PTPRB: variants seen among roughly 807,000 people sequenced by gnomAD.
The protein encoded by PTPRB is protein tyrosine phosphatase receptor type B, also known as receptor-type tyrosine-protein phosphatase beta.
In PTPRB, 97 loss-of-function variants were observed where a neutral mutation model predicts 238.1. That is an observed-to-expected ratio of 0.41 (90% CI 0.35 to 0.48). PTPRB has a LOEUF of 0.48. PTPRB is among the 20% of genes least tolerant of loss of function. The pLI is 0.30. For synonymous variants in PTPRB, 970 were observed against 995.4 expected, an observed-to-expected ratio of 0.97 and a Z score of 0.48; for missense variants, 2,292 against 2,681.9, an observed-to-expected ratio of 0.85 and a Z score of 3.21.
intron 28 of PTPRB, among the ~76,000 whole-genome samples, chr12:70,536,876 A>C (rs1447449560): frequency 1.3e-5 from 2 of 152,038 alleles, no homozygotes; most frequent in Non-Finnish European, 2.9e-5. Flanking sequence ...GCCTTCTTTT[A>C]TCTTTCTCTC....
chr12:70,619,716 G>A (rs1292139617), intron 3 of PTPRB, among the ~76,000 whole-genome samples: 6 of 152,112 alleles, frequency 3.9e-5, no homozygotes, highest in Admixed American at 6.5e-5. Flanking sequence ...CTAACCCATC[G>A]GTCATCACAA....
chr12:70,629,419 C>G (rs905742718), intron 2 of PTPRB, among the ~76,000 whole-genome samples: 1 of 152,124 alleles, frequency 6.6e-6, no homozygotes, highest in Admixed American at 6.6e-5. Flanking sequence ...ACACAATGTA[C>G]AGAATCTCTG....
At chr12:70,606,533 CTATTT>C (rs1883957967) in intron 4 of PTPRB, among the ~76,000 whole-genome samples, 1 of 152,278 alleles carries the variant, frequency 6.6e-6, no homozygotes, top group South Asian at 2.1e-4. Context: ...TGCTCTCATT[CTATTT>C]TGTTTTAGAC....
At chr12:70,630,112 C>CA (rs1337790401) in intron 2 of PTPRB, among the ~76,000 whole-genome samples, 1 of 151,880 alleles carries the variant, frequency 6.6e-6, no homozygotes. Flanking sequence ...AGAGACACAA[C>CA]AAAAAAAGAG....
In PTPRB at chr12:70,520,526, C is replaced by A. The variant is rs1271183196; in HGVS notation, c.*963G>T. ...GGGCACAATCTGCTACCATAATATTCTTTTAATGGGAAATCAAGTAGGAAT... is the reference window on the plus strand; with the variant it reads ...GGGCACAATCTGCTACCATAATATTATTTTAATGGGAAATCAAGTAGGAAT... On this transcript the variant is annotated 3_prime_UTR_variant, in exon 34 of 34. Coordinates refer to ENST00000334414, the MANE Select transcript of PTPRB (RefSeq NM_001109754.4). The A allele has an allele frequency of 2.0e-5, 4 of 197,442 alleles. No homozygotes were observed. Among genetic ancestry groups the A allele is most frequent in the Non-Finnish European group, 4.2e-5 (4 of 95,798 alleles). The allele number at this position is 197,442 out of a possible 1,614,324, so 12.2% of individuals were successfully genotyped here. A position where few individuals can be genotyped will look rare whatever the true frequency, so the allele number is the denominator to read the frequency against.
chr12:70,544,748 GT>G (rs1875709898), intron 21 of PTPRB, 85 bp from the exon 22 acceptor site: 3 of 872,776 alleles, frequency 3.4e-6, no homozygotes, highest in Non-Finnish European at 5.1e-6. Flanking sequence ...AATAGGGCGG[GT>G]TCCTGGTCAG....
chr12:70,597,426 G>A (rs1030175961), intron 4 of PTPRB, among the ~76,000 whole-genome samples: 2 of 152,176 alleles, frequency 1.3e-5, no homozygotes, highest in African/African-American at 4.8e-5. Context: ...AGCATATCAG[G>A]ATTAGGAACT....
intron 4 of PTPRB, among the ~76,000 whole-genome samples, chr12:70,598,981 G>A (rs1324189080): frequency 6.6e-6 from 1 of 152,060 alleles, no homozygotes; most frequent in Non-Finnish European, 1.5e-5. Context: ...GAAGTGCCTG[G>A]GCTGCGAGAA....
intron 2 of PTPRB, among the ~76,000 whole-genome samples, chr12:70,628,580 C>G (rs1256212746): frequency 6.6e-6 from 1 of 152,064 alleles, no homozygotes; most frequent in Non-Finnish European, 1.5e-5. Flanking sequence ...CCAGTAATTT[C>G]CTTTGAGTAA....
chr12:70,610,887 T>TA (rs111997164), intron 3 of PTPRB, among the ~76,000 whole-genome samples: 3,516 of 149,920 alleles, frequency 0.023, 115 homozygotes, highest in African/African-American at 0.065. Context: ...CTCCACAAGT[T>TA]AAAAAAAAAA....
intron 11 of PTPRB, among the ~76,000 whole-genome samples, chr12:70,573,600 G>T (rs1294445274): frequency 3.4e-5 from 5 of 146,818 alleles, no homozygotes; most frequent in Non-Finnish European, 5.9e-5. Flanking sequence ...TCTGCCTTCT[G>T]GTTCAAGCGA....
chr12:70,540,905 G>A lies in PTPRB; in HGVS notation c.5547C>T (p.Gly1849=). ...EGVSAGLFLI[G]MLVAVVALLI... is the part of the protein sequence containing the mutation. Reference sequence around the variant, plus strand: ...ATAAGGCAACAACAGCCACTAGCATGCCAATTAAAAACAGACCAGCACTCA... The same window carrying A: ...ATAAGGCAACAACAGCCACTAGCATACCAATTAAAAACAGACCAGCACTCA... The change falls in exon 23 of 34, where the codon GGC becomes GGT. Residue 1849 remains glycine, a synonymous_variant. Transcript: ENST00000334414. The A allele has an allele frequency of 1.2e-6, 2 of 1,607,186 alleles. No individual in the cohort carries two copies. The highest frequency in any genetic ancestry group is 1.7e-6 in the Non-Finnish European group (2 of 1,176,854).
intron 4 of PTPRB, among the ~76,000 whole-genome samples, chr12:70,606,091 T>C (rs1039865323): frequency 2.6e-5 from 4 of 152,182 alleles, no homozygotes; most frequent in African/African-American, 9.7e-5. Flanking sequence ...AAGCATGGCA[T>C]ACATGAGGCA....
chr12:70,596,256 T>C lies in PTPRB; in HGVS notation c.1051A>G (p.Thr351Ala), dbSNP rs370422115. Residue 351 changes from threonine (T) to alanine (A), a missense_variant, in exon 5 of 34, where the codon ACT (threonine) becomes GCT (alanine). Physicochemically the swap from Thr to Ala is moderately conservative, Grantham distance 58. Around this residue, in one of 4 missense-constraint regions of PTPRB, gnomAD observed 1,205 missense variants for 1,287.8 expected, o/e 0.94. Coordinates refer to ENST00000334414, the MANE Select transcript of PTPRB (RefSeq NM_001109754.4). ...TTSTSLHVWW[T>A]PSSGKVTSYE... is the part of the protein sequence containing the mutation. ...GAGGTGACTTTTCCGGAAGAAGGAG[T>C]CCACCAAACATGCAAGCTGGTTGAA... 15 of 1,611,226 alleles carry C rather than the reference T, an allele frequency of 9.3e-6. No homozygotes were observed. In the African/African-American group the frequency reaches 1.9e-4, roughly 20 times the overall value.
At chr12:70,594,113 A>G (rs573759345) in intron 6 of PTPRB, among the ~76,000 whole-genome samples, 162 of 152,318 alleles carry the variant, frequency 1.1e-3, no homozygotes, top group Non-Finnish European at 1.9e-3. Flanking sequence ...TATAGCATGG[A>G]GAAAGTAACT....
intron 28 of PTPRB, among the ~76,000 whole-genome samples, chr12:70,537,319 C>T (rs1285456895): frequency 1.4e-5 from 2 of 144,882 alleles, no homozygotes; most frequent in Non-Finnish European, 3.0e-5. Context: ...GAAAGAAATA[C>T]AGATTCCCAG....
intron 3 of PTPRB, among the ~76,000 whole-genome samples, chr12:70,620,244 G>C (rs1036679076): frequency 6.6e-6 from 1 of 152,214 alleles, no homozygotes; most frequent in Admixed American, 6.5e-5. Flanking sequence ...CTGCAAGCCA[G>C]GTCTGGGGCT....
intron 32 of PTPRB, chr12:70,525,526 T>G (rs1373261865): frequency 2.0e-5 from 3 of 152,206 alleles, no homozygotes; most frequent in Non-Finnish European, 2.9e-5. Flanking sequence ...AAGGGTTACA[T>G]AGCGAGGACA....
At chr12:70,559,814 T>C (rs1878231835) in intron 17 of PTPRB, among the ~76,000 whole-genome samples, 190 bp from the exon 18 acceptor site, 1 of 150,112 alleles carries the variant, frequency 6.7e-6, no homozygotes, top group South Asian at 2.1e-4. Flanking sequence ...TCGAGCATTT[T>C]ATGTACTTTT....
Sources: gnomAD v4.1 joint callset for allele counts (sites outside exome capture counted in the v4.1 genomes callset) on GRCh38, gnomAD v4.1.1 for gene constraint, gnomAD v4.1.1 regional missense constraint, MANE v1.5 for transcripts, NCBI Gene and HGNC (gene_info 2026-07-23, HGNC 2026-07-21) for gene names.